The following THSD4 variants were observed in gnomAD, a reference collection of about 807,000 sequenced individuals.
THSD4 encodes the protein thrombospondin type 1 domain containing 4, also known as thrombospondin type-1 domain-containing protein 4.
THSD4 carries 69 observed loss-of-function variants against 119.0 expected under a neutral mutation model. The ratio of observed to expected loss-of-function variants is 0.58; its 90% CI spans 0.48 to 0.71. The LOEUF is 0.71. THSD4 is among the 30% of genes least tolerant of loss of function. The pLI is 0.00. For synonymous variants in THSD4, 524 were observed against 540.4 expected (o/e 0.97, Z 0.42); for missense variants, 1,393 against 1,391.1 (o/e 1.00, Z -0.02).
At chr15:71,595,483 C>T (rs529193823) in intron 7 of THSD4, among the ~76,000 whole-genome samples, 8 of 152,140 alleles carry the variant, frequency 5.3e-5, no homozygotes, top group African/African-American at 1.9e-4. Flanking sequence ...TGCCTTTCGC[C>T]TCCTGCCATG....
intron 15 of THSD4, among the ~76,000 whole-genome samples, chr15:71,760,065 T>G (rs780337643): frequency 9.9e-5 from 15 of 152,186 alleles, no homozygotes; most frequent in Non-Finnish European, 2.1e-4. Context: ...TTAACTGGCT[T>G]CAGAATATAA....
chr15:71,433,463 T>A (rs1426421255), intron 7 of THSD4, among the ~76,000 whole-genome samples: 2 of 151,650 alleles, frequency 1.3e-5, no homozygotes, highest in African/African-American at 4.8e-5. Context: ...TTTGTTTTTT[T>A]TTTTTTGGTT....
At chr15:71,720,527 T>C (rs905144503) in intron 8 of THSD4, among the ~76,000 whole-genome samples, 1 of 152,256 alleles carries the variant, frequency 6.6e-6, no homozygotes, top group African/African-American at 2.4e-5. Flanking sequence ...CATACTATTA[T>C]GGGTGTTACC....
chr15:71,680,182 C>G (rs1004392473), intron 8 of THSD4, among the ~76,000 whole-genome samples: 2 of 152,114 alleles, frequency 1.3e-5, no homozygotes, highest in East Asian at 1.9e-4. Flanking sequence ...TAAGCTAAAT[C>G]CCTTCCCTTG....
intron 1 of THSD4, among the ~76,000 whole-genome samples, chr15:71,116,968 A>G (rs2040368023): frequency 6.6e-6 from 1 of 152,086 alleles, no homozygotes; most frequent in African/African-American, 2.4e-5. Flanking sequence ...TTCCTTTAGA[A>G]AACAAAATCC....
At chr15:71,577,737 T>TA (rs58028304) in intron 7 of THSD4, among the ~76,000 whole-genome samples, 1 of 150,550 alleles carries the variant, frequency 6.6e-6, no homozygotes, top group African/African-American at 2.4e-5. Context: ...TATTTTATTT[T>TA]TGAGACGGAG....
chr15:71,751,289 T>C (rs1224362865), intron 14 of THSD4, among the ~76,000 whole-genome samples: 1 of 152,248 alleles, frequency 6.6e-6, no homozygotes, highest in African/African-American at 2.4e-5. Context: ...TATATTGGAA[T>C]GATTCTTTTT....
At chr15:71,549,166 G>A (rs925477350) in intron 7 of THSD4, among the ~76,000 whole-genome samples, 4 of 152,222 alleles carry the variant, frequency 2.6e-5, no homozygotes, top group Non-Finnish European at 4.4e-5. Context: ...TTTGAGAGAG[G>A]AAGGCAGAGG....
chr15:71,137,332 T>C (rs1349921519), intron 1 of THSD4, among the ~76,000 whole-genome samples: 1 of 152,154 alleles, frequency 6.6e-6, no homozygotes, highest in Non-Finnish European at 1.5e-5. Context: ...CTTGTCAACA[T>C]TGGCCTGGCG....
intron 6 of THSD4, among the ~76,000 whole-genome samples, chr15:71,390,762 T>C (rs555952452): frequency 6.6e-6 from 1 of 152,090 alleles, no homozygotes; most frequent in Non-Finnish European, 1.5e-5. Flanking sequence ...AATCACATCC[T>C]TTCATCTCAA....
intron 7 of THSD4, among the ~76,000 whole-genome samples, chr15:71,646,645 A>G (rs1368874905): frequency 6.6e-6 from 1 of 152,220 alleles, no homozygotes; most frequent in African/African-American, 2.4e-5. Context: ...AACTGGCTTC[A>G]TCATCATAAA....
In THSD4 at chr15:71,242,930, A is replaced by G. The variant is rs1423847675; in HGVS notation, c.746A>G (p.His249Arg). ...EAPIYQLPLT[H>R]DQGYPAASSL... is the part of the protein sequence containing the mutation. ...CCCATCTACCAGCTACCTTTGACCC[A>G]TGATCAAGGCTACCCTGCAGCTTCA... Residue 249 changes from histidine to arginine, a missense_variant, in exon 5 of 18, where the codon CAT becomes CGT. Transcript: ENST00000261862. 1 of 1,614,202 alleles carries G rather than the reference A, an allele frequency of 6.2e-7. No individual in the cohort carries two copies.
chr15:71,405,761 T>A (rs1208979351), intron 6 of THSD4, among the ~76,000 whole-genome samples: 1 of 152,222 alleles, frequency 6.6e-6, no homozygotes, highest in African/African-American at 2.4e-5. Flanking sequence ...CAATGTTAAA[T>A]CTTCAGATCC....
chr15:71,357,484 G>A (rs1173785586), intron 6 of THSD4, among the ~76,000 whole-genome samples: 9 of 152,308 alleles, frequency 5.9e-5, no homozygotes, highest in Admixed American at 2.0e-4. Context: ...CTAAGAGGGC[G>A]TGGGCTGCAG....
At chr15:71,467,145 C>A (rs1013731789) in intron 7 of THSD4, among the ~76,000 whole-genome samples, 2 of 152,200 alleles carry the variant, frequency 1.3e-5, no homozygotes, top group African/African-American at 4.8e-5. Flanking sequence ...TTGTGTCTCT[C>A]CCCAAATCTA....
chr15:71,512,218 T>C (rs1359642053), intron 7 of THSD4, among the ~76,000 whole-genome samples: 1 of 152,184 alleles, frequency 6.6e-6, no homozygotes, highest in Non-Finnish European at 1.5e-5. Flanking sequence ...ACTTCCAATG[T>C]TTTGAGGGTT....
chr15:71,235,583 C>CTTTTTT (rs1555457033), intron 4 of THSD4, among the ~76,000 whole-genome samples: 1 of 127,314 alleles, frequency 7.9e-6, no homozygotes. Flanking sequence ...CCACCTCTCT[C>CTTTTTT]TTTTTTTTTT....
intron 1 of THSD4, among the ~76,000 whole-genome samples, chr15:71,099,644 T>C (rs1253947398): frequency 6.6e-6 from 1 of 152,144 alleles, no homozygotes; most frequent in Non-Finnish European, 1.5e-5. Context: ...TTAATTTTTA[T>C]TCTGATCATA....
intron 8 of THSD4, among the ~76,000 whole-genome samples, chr15:71,666,740 T>C (rs1435989942): frequency 6.6e-6 from 1 of 152,202 alleles, no homozygotes; most frequent in Non-Finnish European, 1.5e-5. Flanking sequence ...AAAAACTAAA[T>C]AGAAAACGGA....
Sources: gnomAD v4.1 joint callset for allele counts (sites outside exome capture counted in the v4.1 genomes callset) on GRCh38, gnomAD v4.1.1 for gene constraint, MANE v1.5 for transcripts, NCBI Gene and HGNC (gene_info 2026-07-23, HGNC 2026-07-21) for gene names.